Variants in SYT1 observed in about 807,000 individuals in gnomAD.
The protein encoded by SYT1 is synaptotagmin 1.
Under a neutral mutation model 44.8 loss-of-function variants are expected in SYT1, and 8 were observed. The ratio of observed to expected loss-of-function variants is 0.18; its 90% CI spans 0.10 to 0.32. The LOEUF is 0.32. SYT1 is among the 10% of genes least tolerant of loss of function. The pLI is 1.00. For missense variants in SYT1, 286 were observed against 509.3 expected (o/e 0.56, Z 4.22); for synonymous variants, 154 against 188.8 (o/e 0.82, Z 1.51).
intron 3 of SYT1, among the ~76,000 whole-genome samples, chr12:79,207,350 A>G (rs1874184084): frequency 6.6e-6 from 1 of 152,228 alleles, no homozygotes; most frequent in Non-Finnish European, 1.5e-5. Context: ...CAGAGAAAAC[A>G]AAGTTTTTTG....
At chr12:78,979,435 T>A (rs1869085186) in intron 2 of SYT1, among the ~76,000 whole-genome samples, 2 of 151,974 alleles carry the variant, frequency 1.3e-5, no homozygotes, top group South Asian at 4.1e-4. Context: ...TCTTTGGGAG[T>A]AGGCCCTAGG....
chr12:79,145,737 GTTTTT>G (rs200045050), intron 3 of SYT1, among the ~76,000 whole-genome samples: 1 of 129,238 alleles, frequency 7.7e-6, no homozygotes. Flanking sequence ...AAACATAGTG[GTTTTT>G]TTTTTTTTTT....
At chr12:79,175,403 C>T (rs1871796399) in intron 3 of SYT1, among the ~76,000 whole-genome samples, 1 of 152,006 alleles carries the variant, frequency 6.6e-6, no homozygotes, top group Admixed American at 6.6e-5. Flanking sequence ...TCATAATGAG[C>T]AAACTTAAAT....
At chr12:79,338,736 A>G (rs1882211132) in intron 8 of SYT1, among the ~76,000 whole-genome samples, 1 of 147,198 alleles carries the variant, frequency 6.8e-6, no homozygotes, top group African/African-American at 2.5e-5. Context: ...TTTGTTACAT[A>G]TGTATACATG....
At chr12:79,228,985 C>T (rs1875694355) in intron 4 of SYT1, among the ~76,000 whole-genome samples, 1 of 152,198 alleles carries the variant, frequency 6.6e-6, no homozygotes, top group African/African-American at 2.4e-5. Context: ...GTTCTTCATT[C>T]AAATCTCTCA....
intron 3 of SYT1, among the ~76,000 whole-genome samples, chr12:79,201,540 C>T (rs192296557): frequency 1.3e-5 from 2 of 152,124 alleles, no homozygotes; most frequent in Non-Finnish European, 2.9e-5. Context: ...TTAAAGTCAT[C>T]TTTCGGTGTG....
rs527561695 is a variant in SYT1 at position 79,117,219 on chromosome 12, G to A, written c.-18+69857G>A. On this transcript the variant is annotated intron_variant, in intron 3 of 10. Coordinates refer to ENST00000261205, the MANE Select transcript of SYT1 (RefSeq NM_005639.3). ...TTTTACTACAATTAAAATGTAAAAG[G>A]TCTGTTTACATTTTTGGTGCCTCAA... 3.9e-5 allele frequency among the ~76,000 whole-genome samples: 6 copies of A among 152,118 alleles called. No homozygotes were observed. In the South Asian group the frequency reaches 6.2e-4, roughly 16 times the overall value.
intron 3 of SYT1, among the ~76,000 whole-genome samples, chr12:79,154,841 A>G (rs76496111): frequency 0.082 from 12,433 of 151,938 alleles, 585 homozygotes; most frequent in African/African-American, 0.13. Flanking sequence ...GTTTTGGGGG[A>G]AAAAAATGCT....
rs151200841 is a variant in SYT1, at chr12:79,285,887, C to T, written c.267C>T (p.Asn89=). 373 of 1,613,042 alleles carry T rather than the reference C, an allele frequency of 2.3e-4. No individual in the cohort carries two copies. The highest frequency in any genetic ancestry group is 3.1e-4 in the Non-Finnish European group (360 of 1,179,714). The change falls in exon 5 of 11, where the codon AAC becomes AAT. Residue 89 remains asparagine, a synonymous_variant. Transcript: ENST00000261205. ...ICKKCLFKKK[N]KKKGKEKGGK... is the part of the protein sequence containing the mutation. ...AGAAATGTTTGTTCAAAAAGAAAAACAAGAAGAAGGGAAAGGAAAAAGGAG... is the reference window on the plus strand; with the variant it reads ...AGAAATGTTTGTTCAAAAAGAAAAATAAGAAGAAGGGAAAGGAAAAAGGAG...
chr12:79,178,332 T>C (rs1053006987), intron 3 of SYT1, among the ~76,000 whole-genome samples: 5 of 152,094 alleles, frequency 3.3e-5, no homozygotes, highest in African/African-American at 1.2e-4. Context: ...ATTTCAATTT[T>C]TTTGTAGTCC....
intron 8 of SYT1, among the ~76,000 whole-genome samples, chr12:79,352,161 T>A (rs541938994): frequency 2.0e-4 from 30 of 151,306 alleles, no homozygotes; most frequent in African/African-American, 7.3e-4. Flanking sequence ...ATCTTTCTCT[T>A]TTGAAAAATG....
intron 3 of SYT1, among the ~76,000 whole-genome samples, chr12:79,077,318 G>C (rs1247930642): frequency 6.6e-6 from 1 of 152,100 alleles, no homozygotes; most frequent in African/African-American, 2.4e-5. Flanking sequence ...ATTCTTCCAT[G>C]ATACAGTGCA....
intron 3 of SYT1, among the ~76,000 whole-genome samples, chr12:79,215,303 T>C (rs1382807820): frequency 6.6e-6 from 1 of 152,148 alleles, no homozygotes; most frequent in Non-Finnish European, 1.5e-5. Context: ...CAAACTAATA[T>C]GCCAGTGGAT....
At chr12:79,264,934 A>G (rs1878043456) in intron 4 of SYT1, among the ~76,000 whole-genome samples, 1 of 152,144 alleles carries the variant, frequency 6.6e-6, no homozygotes, top group Non-Finnish European at 1.5e-5. Context: ...TTACTTTAGA[A>G]CCTTACTCTC....
chr12:79,368,585 C>A (rs1276906676), intron 9 of SYT1, among the ~76,000 whole-genome samples: 5 of 150,766 alleles, frequency 3.3e-5, no homozygotes, highest in African/African-American at 1.2e-4. Context: ...TTAATGATTG[C>A]CATTCTAACT....
chr12:79,179,550 T>C (rs984565648), intron 3 of SYT1, among the ~76,000 whole-genome samples: 14 of 146,012 alleles, frequency 9.6e-5, no homozygotes, highest in Non-Finnish European at 1.8e-4. Flanking sequence ...TATAGAGATA[T>C]AGATATAGAT....
intron 2 of SYT1, among the ~76,000 whole-genome samples, chr12:79,027,254 G>A (rs996956894): frequency 7.3e-5 from 11 of 151,240 alleles, no homozygotes; most frequent in South Asian, 2.1e-4. Flanking sequence ...TTTGCTGACC[G>A]CCTACTTTAA....
At chr12:78,880,616 C>T (rs956509171) in intron 1 of SYT1, among the ~76,000 whole-genome samples, 1 of 151,378 alleles carries the variant, frequency 6.6e-6, no homozygotes, top group Non-Finnish European at 1.5e-5. Context: ...TGAATTGTCT[C>T]TCCATTAATT....
intron 4 of SYT1, among the ~76,000 whole-genome samples, chr12:79,228,413 G>T: frequency 6.6e-6 from 1 of 152,098 alleles, no homozygotes; most frequent in East Asian, 1.9e-4. Context: ...AATTACGAGG[G>T]TTATTACAAA....
Sources: allele counts gnomAD v4.1 joint callset (sites outside exome capture counted in the v4.1 genomes callset), GRCh38; gene constraint gnomAD v4.1.1; transcripts MANE v1.5; gene names NCBI Gene and HGNC (gene_info 2026-07-23, HGNC 2026-07-21).